Variants in CALN1 observed in about 807,000 individuals in gnomAD.
CALN1 encodes the protein calneuron 1, also known as calcium-binding protein 8.
Under a neutral mutation model 30.6 loss-of-function variants are expected in CALN1, and 17 were observed. That is an observed-to-expected ratio of 0.56 (90% CI 0.38 to 0.83). CALN1 has a LOEUF of 0.83. Ranked by LOEUF, CALN1 falls within the 40% of genes least tolerant of loss-of-function variation. The probability of loss-of-function intolerance (pLI) is 0.00; values close to 1 mark genes in which losing one functional copy is unlikely to be tolerated. For missense variants in CALN1, 291 were observed against 354.9 expected, an observed-to-expected ratio of 0.82 and a Z score of 1.45; for synonymous variants, 156 against 131.4, an observed-to-expected ratio of 1.19 and a Z score of -1.28.
chr7:72,015,903 C>A (rs113339351), intron 5 of CALN1, among the ~76,000 whole-genome samples: 2 of 152,036 alleles, frequency 1.3e-5, no homozygotes, highest in Non-Finnish European at 2.9e-5. Flanking sequence ...TCTAGCAGGC[C>A]TTGATATAGA....
intron 2 of CALN1, among the ~76,000 whole-genome samples, chr7:72,281,959 A>C (rs1016834136): frequency 6.6e-6 from 1 of 152,222 alleles, no homozygotes; most frequent in African/African-American, 2.4e-5. Flanking sequence ...GGCAGCTTAC[A>C]AAATTAGGTA....
At chr7:72,170,781 T>C (rs1291550754) in intron 3 of CALN1, among the ~76,000 whole-genome samples, 1 of 152,186 alleles carries the variant, frequency 6.6e-6, no homozygotes, top group Non-Finnish European at 1.5e-5. Flanking sequence ...TATTCTACCA[T>C]AGATTTGAGA....
chr7:72,387,060 A>G (rs1327555878), intron 2 of CALN1, among the ~76,000 whole-genome samples: 1 of 151,598 alleles, frequency 6.6e-6, no homozygotes, highest in Non-Finnish European at 1.5e-5. Context: ...ACAGGAGCTA[A>G]CAGTTCCCAA....
Position 71,988,640 on chromosome 7 carries a change from TAGG to T in CALN1, c.501+35014_501+35016del, listed in dbSNP as rs1303571652. 2.0e-5 allele frequency among the ~76,000 whole-genome samples: 3 copies of T among 152,266 alleles called. No homozygotes were observed. The East Asian group carries it at 5.8e-4, about 29-fold the overall frequency. On this transcript the variant is annotated intron_variant, in intron 5 of 6. Transcript: ENST00000395275. ...TTCTGTGTGTATTCTTCTGGGAAAT[TAGG>T]AGAAGTCTCCACGTATGAGACGCTA...
chr7:71,974,417 C>CA (rs1052896558), intron 5 of CALN1, among the ~76,000 whole-genome samples: 10,010 of 52,664 alleles, frequency 0.19, 743 homozygotes, highest in Non-Finnish European at 0.29. Context: ...GACTCCATCT[C>CA]AAAAAAAAAA....
At chr7:72,259,822 T>C (rs991070551) in intron 3 of CALN1, among the ~76,000 whole-genome samples, 2 of 152,210 alleles carry the variant, frequency 1.3e-5, no homozygotes, top group Admixed American at 6.5e-5. Context: ...CCCCTAACTA[T>C]GCAAAAGGGC....
intron 3 of CALN1, among the ~76,000 whole-genome samples, chr7:72,131,172 G>A (rs941958967): frequency 6.6e-6 from 1 of 152,118 alleles, no homozygotes; most frequent in African/African-American, 2.4e-5. Context: ...TACAGCACGA[G>A]GAGATAAGTA....
At chr7:72,051,332 T>C (rs1356913253) in intron 4 of CALN1, among the ~76,000 whole-genome samples, 1 of 152,134 alleles carries the variant, frequency 6.6e-6, no homozygotes, top group Admixed American at 6.5e-5. Flanking sequence ...TACTGTACTT[T>C]GTATAACCAA....
intron 3 of CALN1, among the ~76,000 whole-genome samples, chr7:72,241,847 G>A (rs1794858720): frequency 1.3e-5 from 2 of 152,120 alleles, no homozygotes; most frequent in South Asian, 4.1e-4. Context: ...AAGGCCACTA[G>A]GATGAAAGTT....
At chr7:72,274,364 C>G (rs1267972104) in intron 3 of CALN1, among the ~76,000 whole-genome samples, 1 of 152,002 alleles carries the variant, frequency 6.6e-6, no homozygotes, top group African/African-American at 2.4e-5. Context: ...AAAAATTAGT[C>G]AGGCGTGGTG....
chr7:72,487,734 AAAGGAAGG>A, the CALN1 span, among the ~76,000 whole-genome samples: 7 of 56,602 alleles, frequency 1.2e-4, no homozygotes, highest in Admixed American at 1.8e-4. Context: ...AGAAAGAAAG[AAAGGAAGG>A]AAGGAAGGAA....
intron 6 of CALN1, among the ~76,000 whole-genome samples, chr7:71,803,906 A>T (rs1398694327): frequency 1.3e-5 from 2 of 151,666 alleles, no homozygotes; most frequent in East Asian, 3.9e-4. Context: ...AAGATAAGGC[A>T]GACTGGCTAA....
chr7:71,788,478 GTTTTTTTTTGTTGTTT>G (rs956014231), intron 6 of CALN1, among the ~76,000 whole-genome samples: 2 of 141,788 alleles, frequency 1.4e-5, no homozygotes, highest in African/African-American at 5.4e-5. Context: ...TTACTAAGAG[GTTTTTTTTTGTTGTTT>G]TTTTTTTTTT....
At chr7:72,169,562 AT>A (rs1420367258) in intron 3 of CALN1, among the ~76,000 whole-genome samples, 1 of 148,562 alleles carries the variant, frequency 6.7e-6, no homozygotes, top group Non-Finnish European at 1.5e-5. Context: ...GCCTCAGGTG[AT>A]TTTTTTGCCT....
In CALN1 at chr7:71,933,466, C is replaced by T. The variant is rs116834272; in HGVS notation, c.501+90191G>A. On this transcript the variant is annotated intron_variant, in intron 5 of 6. Transcript: ENST00000395275. Reference sequence around the variant, plus strand: ...CTCTTTCTTTTGCCTATTAAACCTCCGCTCCTAAACTCCTCATGTGTGTCC... The same window carrying T: ...CTCTTTCTTTTGCCTATTAAACCTCTGCTCCTAAACTCCTCATGTGTGTCC... 6.2e-3 allele frequency among the ~76,000 whole-genome samples: 947 copies of T among 152,190 alleles called. 7 individuals carry two copies. The highest frequency in any genetic ancestry group is 0.021 in the African/African-American group (877 of 41,536).
At chr7:72,148,091 T>C (rs902994722) in intron 3 of CALN1, among the ~76,000 whole-genome samples, 5 of 58,812 alleles carry the variant, frequency 8.5e-5, no homozygotes, top group Non-Finnish European at 1.7e-4. Context: ...TAAAGTATAA[T>C]AAAAAAAAAT....
intron 3 of CALN1, among the ~76,000 whole-genome samples, chr7:72,183,667 A>G (rs1473229051): frequency 6.6e-6 from 1 of 152,224 alleles, no homozygotes; most frequent in African/African-American, 2.4e-5. Flanking sequence ...TGTATTAGCA[A>G]AACAGGCAAG....
chr7:72,279,658 AAAGACAATGG>A (rs2129554128), intron 2 of CALN1, among the ~76,000 whole-genome samples: 1 of 152,236 alleles, frequency 6.6e-6, no homozygotes, highest in East Asian at 1.9e-4. Flanking sequence ...AAAGGACAGC[AAAGACAATGG>A]AAGAGAATGG....
At chr7:72,122,446 G>C (rs547796866) in intron 3 of CALN1, among the ~76,000 whole-genome samples, 1 of 152,248 alleles carries the variant, frequency 6.6e-6, no homozygotes, top group South Asian at 2.1e-4. Flanking sequence ...CTTTCAAGAA[G>C]CTACATTTGG....
Sources: gnomAD v4.1 joint callset for allele counts (sites outside exome capture counted in the v4.1 genomes callset) on GRCh38, gnomAD v4.1.1 for gene constraint, MANE v1.5 for transcripts, NCBI Gene and HGNC (gene_info 2026-07-23, HGNC 2026-07-21) for gene names.